Variants in AJUBA observed in about 807,000 individuals in gnomAD.
The protein encoded by AJUBA is LIM domain-containing protein ajuba.
AJUBA carries 20 observed loss-of-function variants against 53.3 expected under a neutral mutation model. The ratio of observed to expected loss-of-function variants is 0.38; its 90% CI spans 0.26 to 0.55. The LOEUF (loss-of-function observed/expected upper bound fraction) is 0.55. Ranked by LOEUF, AJUBA falls within the 20% of genes least tolerant of loss-of-function variation. The pLI is 0.80. For synonymous variants in AJUBA, 296 were observed against 306.2 expected, an observed-to-expected ratio of 0.97 and a Z score of 0.35; for missense variants, 580 against 730.5, an observed-to-expected ratio of 0.79 and a Z score of 2.38.
In AJUBA at chr14:22,973,167, A is replaced by G; in HGVS notation, c.*276T>C. The G allele has an allele frequency of 2.2e-6, 1 of 448,164 alleles. No homozygotes were observed. Among genetic ancestry groups the G allele is most frequent in the South Asian group, 2.6e-5 (1 of 38,530 alleles). 27.8% of individuals were successfully genotyped at this position (448,164 alleles called of 1,614,324 possible). ...ATATATACTGAAGATACAGAATCAG[A>G]TGTTCAGAAAGTCCTGGAACCCTCC... On this transcript the variant is annotated 3_prime_UTR_variant, in exon 8 of 8. Coordinates refer to ENST00000262713, the MANE Select transcript of AJUBA (RefSeq NM_032876.6).
In AJUBA at chr14:22,981,549, C is replaced by T; in HGVS notation, c.718G>A (p.Ala240Thr). The T allele has an allele frequency of 1.9e-6, 3 of 1,585,290 alleles. No individual in the cohort carries two copies. The highest frequency in any genetic ancestry group is 2.3e-5 in the East Asian group (1 of 43,852). ...SYPPALGSPG[A>T]LAGAGVGAAG... ...GCTCCCACTCCGGCCCCGGCTAGAG[C>T]TCCAGGGCTGCCCAGGGCCGGGGGA... Residue 240 changes from alanine to threonine, a missense_variant, in exon 1 of 8, where the codon GCT becomes ACT. By Grantham distance (58) the Ala-to-Thr change is moderately conservative. This residue lies in a region of AJUBA where 430 missense variants were observed against 471.5 expected (regional missense o/e 0.91). Coordinates refer to ENST00000262713, the MANE Select transcript of AJUBA (RefSeq NM_032876.6).
intron 1 of AJUBA, among the ~76,000 whole-genome samples, chr14:22,980,017 T>C (rs1309696826): frequency 3.3e-5 from 5 of 151,540 alleles, no homozygotes; most frequent in East Asian, 1.9e-4. Context: ...AGGCTGGGGG[T>C]TGAGTTATGC....
chr14:22,976,943 C>T, intron 2 of AJUBA: 1 of 1,397,808 alleles, frequency 7.2e-7, no homozygotes, highest in South Asian at 1.7e-5. Flanking sequence ...CCTCCAGCTC[C>T]TGCCTCCTTA....
At chr14:22,978,995 G>A in intron 1 of AJUBA, 2 of 1,289,182 alleles carry the variant, frequency 1.6e-6, no homozygotes, top group Non-Finnish European at 2.0e-6. Flanking sequence ...GATCTGGCTT[G>A]GCAGAGGGCT....
At chr14:22,977,312 C>T in intron 2 of AJUBA, 1 of 631,014 alleles carries the variant, frequency 1.6e-6, no homozygotes, top group Non-Finnish European at 2.0e-6. Context: ...TAGAGGGACC[C>T]AGAGTCACTG....
chr14:22,976,914 C>G (rs1342186607), intron 2 of AJUBA: 5 of 1,408,042 alleles, frequency 3.6e-6, no homozygotes, highest in Non-Finnish European at 4.6e-6. Context: ...CCAACTTCCC[C>G]TCTCCTCTGC....
chr14:22,976,852 CG>C, intron 2 of AJUBA, 140 bp from the exon 3 acceptor site: 1 of 1,439,530 alleles, frequency 6.9e-7, no homozygotes, highest in Admixed American at 2.8e-5. Context: ...TGTCCTTCCC[CG>C]CACAAAAATT....
In AJUBA at chr14:22,973,399, C is replaced by A. The variant is rs778918547; in HGVS notation, c.*44G>T. ...TGGCCTCAGAGGGGCCCACTGGCCA[C>A]AGCAGTTTGTCTGCAGGGTGACAGC... On this transcript the variant is annotated 3_prime_UTR_variant, in exon 8 of 8. Transcript: ENST00000262713. 2.5e-6 allele frequency: 4 copies of A among 1,576,280 alleles called. No homozygotes were observed. The highest frequency in any genetic ancestry group is 2.6e-6 in the Non-Finnish European group (3 of 1,160,938).
At position 22,979,446 on chromosome 14, in the gene AJUBA, C is replaced by T. The variant is rs1594566211; in HGVS notation, c.1007-1001G>A. Among the ~76,000 whole-genome samples, 1 of 152,234 alleles carries T rather than the reference C, an allele frequency of 6.6e-6. No homozygotes were observed. The highest frequency in any genetic ancestry group is 2.4e-5 in the African/African-American group (1 of 41,464). On this transcript the variant is annotated intron_variant, in intron 1 of 7. Coordinates refer to ENST00000262713, the MANE Select transcript of AJUBA (RefSeq NM_032876.6). The surrounding 1 kb of genome is among the most constrained non-coding windows in gnomAD (Gnocchi z 4.0). The stretch of plus-strand genomic sequence containing the variant: ...AGCAACTGATGGGCCCAGGCCTGTC[C>T]TGCTCCCACCCTCTGGCAGCTGGGC...
chr14:22,978,380 G>A lies in AJUBA; in HGVS notation c.1072C>T (p.Leu358Phe), dbSNP rs1444565973. 6.2e-7 allele frequency: 1 copy of A among 1,613,878 alleles called. No individual in the cohort carries two copies. The highest frequency in any genetic ancestry group is 8.5e-7 in the Non-Finnish European group (1 of 1,179,884). The change falls in exon 2 of 8, where the codon CTC becomes TTC. Residue 358 changes from leucine to phenylalanine, a missense_variant. This residue lies in a region of AJUBA where 150 missense variants were observed against 259.0 expected (regional missense o/e 0.58). Coordinates refer to ENST00000262713, the MANE Select transcript of AJUBA (RefSeq NM_032876.6). The part of the protein sequence containing the change: ...QSNACQALDS[L>F]YHTQCFVCCS... Reference sequence around the variant, plus strand: ...CAAACAAAGCACTGGGTGTGGTAGAGGCTGTCCAGGGCCTGGCAGGCATTG... The same window carrying A: ...CAAACAAAGCACTGGGTGTGGTAGAAGCTGTCCAGGGCCTGGCAGGCATTG...
At position 22,979,042 on chromosome 14, in the gene AJUBA, G is replaced by C. The variant is rs1451497029; in HGVS notation, c.1007-597C>G. On this transcript the variant is annotated intron_variant, in intron 1 of 7. Coordinates refer to ENST00000262713, the MANE Select transcript of AJUBA (RefSeq NM_032876.6). This position sits in a 1 kb window ranked among gnomAD's most constrained non-coding sequence, Gnocchi z 4.0. ...GGACCATGTGAGCATGATTCCTGTG[G>C]GGAGGTGGCTGCTGAGAATGCAGGG... 7.0e-6 allele frequency: 9 copies of C among 1,288,912 alleles called. No homozygotes were observed. Among genetic ancestry groups the C allele is most frequent in the Non-Finnish European group, 9.1e-6 (9 of 988,646 alleles). The allele number at this position is 1,288,912 out of a possible 1,614,324, so 79.8% of individuals were successfully genotyped here.
intron 1 of AJUBA, among the ~76,000 whole-genome samples, chr14:22,980,958 C>A (rs2045084318): frequency 6.6e-6 from 1 of 152,100 alleles, no homozygotes; most frequent in Admixed American, 6.5e-5. Flanking sequence ...TTCACTGCCC[C>A]ACTTGGTCCC....
chr14:22,977,621 T>G (rs1229847769), intron 2 of AJUBA: 1 of 152,040 alleles, frequency 6.6e-6, no homozygotes, highest in Non-Finnish European at 1.5e-5. Flanking sequence ...GACAGACAGA[T>G]GAGCCTAAAG....
At position 22,979,887 on chromosome 14, in the gene AJUBA, CA is replaced by C. The variant is rs2045071428; in HGVS notation, c.1006+1373del. Reference sequence around the variant, plus strand: ...TTTACTAGCCACCTCTCCTGGGCCTCAAAATGAAACTGCTAAATGGGCCCTG... The same window carrying C: ...TTTACTAGCCACCTCTCCTGGGCCTCAAATGAAACTGCTAAATGGGCCCTG... On this transcript the variant is annotated intron_variant, in intron 1 of 7. Coordinates refer to ENST00000262713, the MANE Select transcript of AJUBA (RefSeq NM_032876.6). This position sits in a 1 kb window ranked among gnomAD's most constrained non-coding sequence, Gnocchi z 4.0. Among the ~76,000 whole-genome samples, 3 of 151,732 alleles carry C rather than the reference CA, an allele frequency of 2.0e-5. No individual in the cohort carries two copies. The highest frequency in any genetic ancestry group is 6.6e-5 in the Admixed American group (1 of 15,188).
chr14:22,978,849 A>T, intron 1 of AJUBA: 1 of 1,257,184 alleles, frequency 8.0e-7, no homozygotes, highest in Non-Finnish European at 1.0e-6. Context: ...TCAGCAGCAG[A>T]CTTGAAAATA....
intron 7 of AJUBA, 26 bp from the exon 8 acceptor site, chr14:22,973,594 C>T: frequency 1.2e-6 from 2 of 1,613,320 alleles, no homozygotes; most frequent in Non-Finnish European, 1.7e-6. Flanking sequence ...CCTAGTTCAC[C>T]TCAGCCTAGG....
chr14:22,974,985 G>C lies in AJUBA; in HGVS notation c.1359C>G (p.Thr453=). The C allele has an allele frequency of 6.2e-7, 1 of 1,614,200 alleles. No individual in the cohort carries two copies. The highest frequency in any genetic ancestry group is 1.1e-5 in the South Asian group (1 of 91,078). Residue 453 remains threonine (T), a synonymous_variant, in exon 5 of 8, where the codon ACC becomes ACG. Transcript: ENST00000262713. ...VDFSNQVYCV[T]DYHKNYAPKC... ...AGGGGCAGACTCACTTGTGGTAGTC[G>C]GTGACACAGTATACTTGGTTGGAGA... is the stretch of plus-strand genomic sequence containing the variant.
intron 1 of AJUBA, chr14:22,980,589 G>A: frequency 1.0e-6 from 1 of 985,350 alleles, no homozygotes; most frequent in African/African-American, 1.7e-5. Flanking sequence ...CTGATTAAAT[G>A]CCCACGCACG....
intron 1 of AJUBA, among the ~76,000 whole-genome samples, chr14:22,980,086 C>G (rs10147742): frequency 1.9e-3 from 284 of 152,184 alleles, no homozygotes; most frequent in African/African-American, 5.6e-3. Flanking sequence ...CCTCCCTGGC[C>G]GCGTTCCTCT....
Sources: allele counts gnomAD v4.1 joint callset (sites outside exome capture counted in the v4.1 genomes callset), GRCh38; gene constraint gnomAD v4.1.1; regional missense constraint gnomAD v4.1.1; non-coding constraint Gnocchi (gnomAD v3.1); transcripts MANE v1.5; gene names NCBI Gene and HGNC (gene_info 2026-07-23, HGNC 2026-07-21).